Variants in GFPT2 observed in about 807,000 individuals in gnomAD.
GFPT2 encodes glutamine--fructose-6-phosphate aminotransferase [isomerizing] 2.
A neutral mutation model predicts 85.6 loss-of-function variants in GFPT2; 62 were observed. The observed-to-expected ratio is 0.72, with a 90% CI of 0.59 to 0.90. GFPT2 has a LOEUF of 0.90. Ranked by LOEUF, GFPT2 falls within the 40% of genes least tolerant of loss-of-function variation. GFPT2 has a pLI of 0.00. For missense variants in GFPT2, 788 were observed against 893.4 expected (o/e 0.88, Z 1.50); for synonymous variants, 368 against 344.5 (o/e 1.07, Z -0.75).
At chr5:180,342,751 A>C (rs1460928861) in intron 1 of GFPT2, among the ~76,000 whole-genome samples, 2 of 151,992 alleles carry the variant, frequency 1.3e-5, no homozygotes. Flanking sequence ...AAAATAGAAA[A>C]ATTAGCTGGG....
intron 16 of GFPT2, among the ~76,000 whole-genome samples, chr5:180,306,038 G>A (rs1763770779): frequency 6.7e-6 from 1 of 148,388 alleles, no homozygotes; most frequent in Admixed American, 6.8e-5. Flanking sequence ...AGGCTGGAGT[G>A]CAGTGGCATG....
rs759975229 is a variant in GFPT2 at position 180,313,963 on chromosome 5, G to A, written c.1275C>T (p.Gly425=). Residue 425 remains glycine, a splice_region_variant and synonymous_variant, in exon 14 of 19, where the codon GGC becomes GGT. Coordinates refer to ENST00000253778, the MANE Select transcript of GFPT2 (RefSeq NM_005110.4). ...GCGCCAGGAGGGTGTCCGCGGTCTC[G>A]CCTGCCGCCCAGGGGCCCTCTCAGT... The part of the protein sequence containing the change: ...DDVCFFISQS[G]ETADTLLALR... The A allele has an allele frequency of 6.3e-7, 1 of 1,593,426 alleles. No individual in the cohort carries two copies. Among genetic ancestry groups the A allele is most frequent in the Non-Finnish European group, 8.5e-7 (1 of 1,176,306 alleles).
chr5:180,301,712 A>T, intron 18 of GFPT2, 104 bp from the exon 19 acceptor site: 1 of 899,620 alleles, frequency 1.1e-6, no homozygotes, highest in Non-Finnish European at 1.9e-6. Flanking sequence ...ACAGATGTTC[A>T]CCATGGTCAC....
rs150987581 is a variant in GFPT2 at position 180,313,046 on chromosome 5, G to A, written c.1432-502C>T. Among the ~76,000 whole-genome samples the A allele has an allele frequency of 4.3e-3, 651 of 152,016 alleles. 11 individuals are homozygous for A. The highest frequency in any genetic ancestry group is 0.041 in the East Asian group (205 of 5,044). ...CCTGCCTCGGCCTCCCAAAGTGCTG[G>A]GATTACAGGCCTGAGTCTCCGCACC... is the stretch of plus-strand genomic sequence containing the variant. On this transcript the variant is annotated intron_variant, in intron 14 of 18. Coordinates refer to ENST00000253778, the MANE Select transcript of GFPT2 (RefSeq NM_005110.4).
intron 9 of GFPT2, among the ~76,000 whole-genome samples, chr5:180,321,761 G>GGTTTT (rs10610483): frequency 0.023 from 3,444 of 150,642 alleles, 106 homozygotes; most frequent in African/African-American, 0.071. Context: ...TAATATGGAG[G>GGTTTT]GTTTTGTTTT....
At chr5:180,315,025 T>C (rs1029944201) in intron 13 of GFPT2, among the ~76,000 whole-genome samples, 2 of 152,292 alleles carry the variant, frequency 1.3e-5, no homozygotes, top group Middle Eastern at 3.4e-3. Context: ...GGATGGTCGG[T>C]GTATCTGTAC....
chr5:180,302,343 C>T (rs1763692039), intron 18 of GFPT2, 80 bp downstream of exon 18: 4 of 985,212 alleles, frequency 4.1e-6, no homozygotes, highest in Admixed American at 2.2e-5. Flanking sequence ...TGACTATTTA[C>T]TCCAAGTATT....
chr5:180,330,750 T>C lies in GFPT2; in HGVS notation c.484A>G (p.Thr162Ala). ...LIKYVFDNRE[T>A]EDITFSTLVE... is the part of the protein sequence containing the mutation. The stretch of plus-strand genomic sequence containing the variant: ...AACGTTGAAAACGTAATGTCCTCAG[T>C]TTCTCTGTTGTCGAACACATATTTA... The change falls in exon 6 of 19, where the codon ACT becomes GCT. Residue 162 changes from threonine to alanine, a missense_variant. Thr to Ala is a moderately conservative substitution (Grantham distance 58, BLOSUM62 0). Coordinates refer to ENST00000253778, the MANE Select transcript of GFPT2 (RefSeq NM_005110.4). This position sits in a 1 kb window ranked among gnomAD's most constrained non-coding sequence, Gnocchi z 4.4. 6.2e-7 allele frequency: 1 copy of C among 1,613,230 alleles called. No individual in the cohort carries two copies. The highest frequency in any genetic ancestry group is 8.5e-7 in the Non-Finnish European group (1 of 1,179,144).
At chr5:180,333,159 T>C (rs1031942937) in intron 4 of GFPT2, among the ~76,000 whole-genome samples, 2 of 152,202 alleles carry the variant, frequency 1.3e-5, no homozygotes, top group African/African-American at 2.4e-5. Context: ...TACCCATATG[T>C]TGGATCCATA....
rs1343411506 is a variant in GFPT2, at chr5:180,318,159, A to G, written c.958+634T>C. Among the ~76,000 whole-genome samples, 2 of 152,086 alleles carry G rather than the reference A, an allele frequency of 1.3e-5. No individual in the cohort carries two copies. The highest frequency in any genetic ancestry group is 6.5e-5 in the Admixed American group (1 of 15,272). ...ACCAGTCCTATGAGAAGAACAGCGA[A>G]TGCAGGGGCTGTGGCGGGGCACAGT... On this transcript the variant is annotated intron_variant, in intron 10 of 18. Coordinates refer to ENST00000253778, the MANE Select transcript of GFPT2 (RefSeq NM_005110.4). This position sits in a 1 kb window ranked among gnomAD's most constrained non-coding sequence, Gnocchi z 4.2.
chr5:180,348,732 CTTTTTTT>C (rs11322913), intron 1 of GFPT2, among the ~76,000 whole-genome samples: 1 of 139,806 alleles, frequency 7.2e-6, no homozygotes, highest in Non-Finnish European at 1.6e-5. Flanking sequence ...CATTTCTTTT[CTTTTTTT>C]TTTTTTTTGT....
In GFPT2 at chr5:180,344,539, C is replaced by T. The variant is rs188793391; in HGVS notation, c.8-5939G>A. Among the ~76,000 whole-genome samples, 130 of 152,338 alleles carry T rather than the reference C, an allele frequency of 8.5e-4. No individual in the cohort carries two copies. In the Middle Eastern group the frequency reaches 0.014, roughly 16 times the overall value. ...ACTGTTTGGACAGTGGTGTACATGA[C>T]GCAGACCTGCCTGGTTCACCTGGAT... On this transcript the variant is annotated intron_variant, in intron 1 of 18. Coordinates refer to ENST00000253778, the MANE Select transcript of GFPT2 (RefSeq NM_005110.4).
rs770627382 is a variant in GFPT2, at chr5:180,335,865, A to C, written c.303T>G (p.Ala101=). Residue 101 remains alanine, a synonymous_variant, in exon 4 of 19, where the codon GCT becomes GCG. Transcript: ENST00000253778. ...TRWATHGVPS[A]VNSHPQRSDK... is the part of the protein sequence containing the mutation. Reference sequence around the variant, plus strand: ...CTGAGCGCTGAGGGTGGCTGTTGACAGCACTGGGGACCCCGTGGGTGGCCC... The same window carrying C: ...CTGAGCGCTGAGGGTGGCTGTTGACCGCACTGGGGACCCCGTGGGTGGCCC... 3.1e-6 allele frequency: 5 copies of C among 1,591,624 alleles called. No homozygotes were observed. The highest frequency in any genetic ancestry group is 3.4e-4 in the Middle Eastern group (2 of 5,964).
At chr5:180,326,011 C>T (rs1267092667) in intron 7 of GFPT2, among the ~76,000 whole-genome samples, 2 of 150,598 alleles carry the variant, frequency 1.3e-5, no homozygotes, top group Admixed American at 6.7e-5. Flanking sequence ...GGCGACAAAG[C>T]GAGACTCCAT....
chr5:180,347,250 C>T (rs755612601), intron 1 of GFPT2, among the ~76,000 whole-genome samples: 2 of 152,228 alleles, frequency 1.3e-5, no homozygotes, highest in African/African-American at 2.4e-5. Flanking sequence ...AAAAGGAGCA[C>T]TTTGCAACCT....
intron 7 of GFPT2, among the ~76,000 whole-genome samples, chr5:180,325,750 C>T (rs1208162048): frequency 1.3e-5 from 2 of 152,184 alleles, no homozygotes; most frequent in Non-Finnish European, 2.9e-5. Context: ...TTTGGCTGGG[C>T]GCACAGTGGC....
At chr5:180,313,494 G>A (rs1040901766) in intron 14 of GFPT2, among the ~76,000 whole-genome samples, 7 of 151,352 alleles carry the variant, frequency 4.6e-5, no homozygotes, top group African/African-American at 7.3e-5. Context: ...GGAGGCTGAG[G>A]CAGGAGAATG....
At chr5:180,324,135 G>C in intron 9 of GFPT2, 53 bp downstream of exon 9, 1 of 980,666 alleles carries the variant, frequency 1.0e-6, no homozygotes, top group Non-Finnish European at 1.6e-6. Context: ...TGTTTAGACA[G>C]GCATTCTTTG....
rs143584396 is a variant in GFPT2 at position 180,335,331 on chromosome 5, C to T, written c.340+497G>A. The stretch of plus-strand genomic sequence containing the variant: ...TAAGCCCCTGGCTGCTGAGGTCTCC[C>T]GCTGGGGCCCACGGTGTGTCTGGTG... On this transcript the variant is annotated intron_variant, in intron 4 of 18. Transcript: ENST00000253778. Among the ~76,000 whole-genome samples, 918 of 152,340 alleles carry T rather than the reference C, an allele frequency of 6.0e-3. 4 individuals are homozygous for T. The highest frequency in any genetic ancestry group is 8.7e-3 in the Non-Finnish European group (594 of 68,024).
Sources: allele counts gnomAD v4.1 joint callset (sites outside exome capture counted in the v4.1 genomes callset), GRCh38; gene constraint gnomAD v4.1.1; non-coding constraint Gnocchi (gnomAD v3.1); transcripts MANE v1.5; gene names NCBI Gene and HGNC (gene_info 2026-07-23, HGNC 2026-07-21).